The following SUGCT variants were observed in gnomAD, a reference collection of about 807,000 sequenced individuals.
The protein encoded by SUGCT is succinyl-CoA:glutarate CoA-transferase.
A neutral mutation model predicts 55.0 loss-of-function variants in SUGCT; 41 were observed. That is an observed-to-expected ratio of 0.74 (90% CI 0.58 to 0.97). The LOEUF (loss-of-function observed/expected upper bound fraction) is 0.97. SUGCT is among the 50% of genes least tolerant of loss of function. The pLI is 0.00. For missense variants in SUGCT, 568 were observed against 547.8 expected, an observed-to-expected ratio of 1.04 and a Z score of -0.37; for synonymous variants, 187 against 200.4, an observed-to-expected ratio of 0.93 and a Z score of 0.56.
At chr7:40,645,437 C>A (rs187032929) in intron 12 of SUGCT, among the ~76,000 whole-genome samples, 12 of 152,282 alleles carry the variant, frequency 7.9e-5, no homozygotes, top group African/African-American at 2.4e-4. Context: ...CAGGGCTTGC[C>A]TCTCTTGTGT....
chr7:40,777,764 A>C (rs987888004), intron 13 of SUGCT, among the ~76,000 whole-genome samples: 1 of 151,880 alleles, frequency 6.6e-6, no homozygotes, highest in Non-Finnish European at 1.5e-5. Context: ...CCAGAAACAG[A>C]CATGTACTTA....
chr7:40,138,331 CT>C (rs1231456152), intron 1 of SUGCT, among the ~76,000 whole-genome samples: 2 of 152,134 alleles, frequency 1.3e-5, no homozygotes, highest in Admixed American at 6.6e-5. Context: ...TAATTTCATT[CT>C]TTTTTATGGC....
the SUGCT span, among the ~76,000 whole-genome samples, chr7:40,899,037 CCCAA>C: frequency 6.6e-6 from 1 of 152,118 alleles, no homozygotes; most frequent in African/African-American, 2.4e-5. Flanking sequence ...TTCCTTCTTC[CCCAA>C]CTGTGGCCTC....
chr7:40,496,582 G>A (rs938928154), intron 12 of SUGCT, among the ~76,000 whole-genome samples, 196 bp downstream of exon 12: 8 of 152,148 alleles, frequency 5.3e-5, no homozygotes, highest in Non-Finnish European at 1.5e-5. Flanking sequence ...GTCTCTGTTA[G>A]ATTTAATATA....
intron 12 of SUGCT, among the ~76,000 whole-genome samples, chr7:40,692,865 T>C (rs1784760093): frequency 1.3e-5 from 2 of 152,130 alleles, no homozygotes; most frequent in Admixed American, 1.3e-4. Flanking sequence ...TTCTTGAGAA[T>C]TGGTTGAGTA....
At chr7:40,923,155 T>G in the SUGCT span, among the ~76,000 whole-genome samples, 2 of 152,170 alleles carry the variant, frequency 1.3e-5, no homozygotes, top group Admixed American at 1.3e-4. Flanking sequence ...AGATGAGCAG[T>G]GTTTTGTCCT....
At chr7:40,224,996 G>A (rs893973095) in intron 6 of SUGCT, among the ~76,000 whole-genome samples, 20 of 152,232 alleles carry the variant, frequency 1.3e-4, no homozygotes, top group Non-Finnish European at 2.1e-4. Context: ...GTACCATGAG[G>A]GAACAAGACC....
At chr7:40,603,759 G>C (rs901520283) in intron 12 of SUGCT, among the ~76,000 whole-genome samples, 1 of 152,136 alleles carries the variant, frequency 6.6e-6, no homozygotes, top group Non-Finnish European at 1.5e-5. Flanking sequence ...ATCTTGCCAT[G>C]CCCTATCATA....
At chr7:40,645,408 G>A (rs976895852) in intron 12 of SUGCT, among the ~76,000 whole-genome samples, 1 of 152,112 alleles carries the variant, frequency 6.6e-6, no homozygotes, top group Non-Finnish European at 1.5e-5. Context: ...GGGACTAAGT[G>A]GACATGAAAT....
chr7:40,636,484 C>T (rs994259246), intron 12 of SUGCT, among the ~76,000 whole-genome samples: 2 of 152,154 alleles, frequency 1.3e-5, no homozygotes, highest in African/African-American at 2.4e-5. Context: ...GGTAGGCCCA[C>T]AGTCAAGGGA....
At chr7:40,740,598 A>T (rs1055796571) in intron 12 of SUGCT, among the ~76,000 whole-genome samples, 1 of 149,574 alleles carries the variant, frequency 6.7e-6, no homozygotes, top group Admixed American at 6.6e-5. Flanking sequence ...CCTCATTTTC[A>T]ATCTTAGAGG....
chr7:40,988,692 A>G, the SUGCT span, among the ~76,000 whole-genome samples: 1 of 152,194 alleles, frequency 6.6e-6, no homozygotes, highest in East Asian at 1.9e-4. Context: ...GATTGAGAAA[A>G]GCGTTAAAGA....
At chr7:40,368,132 T>C (rs896235669) in intron 9 of SUGCT, among the ~76,000 whole-genome samples, 2 of 151,992 alleles carry the variant, frequency 1.3e-5, no homozygotes. Flanking sequence ...TCTTACTTCC[T>C]GCTTTTCCCT....
intron 9 of SUGCT, among the ~76,000 whole-genome samples, chr7:40,395,920 G>A (rs566441026): frequency 1.3e-5 from 2 of 152,292 alleles, no homozygotes; most frequent in South Asian, 4.1e-4. Flanking sequence ...GGTTCTTACA[G>A]GGAGAACCAA....
At position 40,263,666 on chromosome 7, in the gene SUGCT, G is replaced by A. The variant is rs528180769; in HGVS notation, c.577-10847G>A. ...TTATAAGTTCATACTTTTCATGTTT[G>A]GAAGGGCAGAACATTTTAGTATAGT... On this transcript the variant is annotated intron_variant, in intron 7 of 13. Transcript: ENST00000335693. 2.0e-5 allele frequency among the ~76,000 whole-genome samples: 3 copies of A among 152,232 alleles called. No homozygotes were observed. In the South Asian group the frequency reaches 6.2e-4, roughly 32 times the overall value.
At chr7:40,980,644 G>C in the SUGCT span, among the ~76,000 whole-genome samples, 1 of 128,050 alleles carries the variant, frequency 7.8e-6, no homozygotes, top group Non-Finnish European at 1.7e-5. Context: ...AGAAATATTA[G>C]AAGGAAAAAA....
At position 40,192,195 on chromosome 7, in the gene SUGCT, T is replaced by C. The variant is rs567125330; in HGVS notation, c.363+2601T>C. ...GCTATGATTGCTAATACAATGAGTTTAGTTTATAGAAACAGTTCCAAAGTA... is the reference window on the plus strand; with the variant it reads ...GCTATGATTGCTAATACAATGAGTTCAGTTTATAGAAACAGTTCCAAAGTA... On this transcript the variant is annotated intron_variant, in intron 5 of 13. Transcript: ENST00000335693. Among the ~76,000 whole-genome samples the C allele has an allele frequency of 4.6e-5, 7 of 152,136 alleles. No homozygotes were observed. The East Asian group carries it at 1.2e-3, about 25-fold the overall frequency.
At chr7:40,703,127 C>T (rs1010674957) in intron 12 of SUGCT, among the ~76,000 whole-genome samples, 3 of 147,522 alleles carry the variant, frequency 2.0e-5, no homozygotes, top group East Asian at 2.0e-4. Flanking sequence ...TGCCAGGGCG[C>T]GATCTCAGCT....
At chr7:40,176,701 G>T (rs1194276334) in intron 1 of SUGCT, among the ~76,000 whole-genome samples, 1 of 151,334 alleles carries the variant, frequency 6.6e-6, no homozygotes, top group South Asian at 2.1e-4. Flanking sequence ...GGCCAGGCAC[G>T]GTGCCTCATG....
Sources: allele counts gnomAD v4.1 joint callset (sites outside exome capture counted in the v4.1 genomes callset), GRCh38; gene constraint gnomAD v4.1.1; transcripts MANE v1.5; gene names NCBI Gene and HGNC (gene_info 2026-07-23, HGNC 2026-07-21).